Variants in CAMSAP2 observed in about 807,000 individuals in gnomAD.
CAMSAP2 encodes the protein calmodulin regulated spectrin associated protein family member 2, also known as calmodulin-regulated spectrin-associated protein 2.
CAMSAP2 carries 26 observed loss-of-function variants against 146.1 expected under a neutral mutation model. The observed-to-expected ratio is 0.18, with a 90% CI of 0.13 to 0.25. The LOEUF (loss-of-function observed/expected upper bound fraction) is 0.25, where lower values mean the gene tolerates loss of function less well. CAMSAP2 is among the 10% of genes least tolerant of loss of function. The pLI is 1.00. For missense variants in CAMSAP2, 1,381 were observed against 1,759.3 expected (o/e 0.78, Z 3.85); for synonymous variants, 499 against 596.6 (o/e 0.84, Z 2.38).
chr1:200,832,784 A>G lies in CAMSAP2; in HGVS notation c.866A>G (p.Tyr289Cys), dbSNP rs1265321186. The change falls in exon 6 of 17, where the codon TAC (tyrosine) becomes TGC (cysteine). Residue 289 changes from tyrosine (Y) to cysteine (C), a missense_variant. By Grantham distance (194) the Tyr-to-Cys change is radical (BLOSUM62 -2). Coordinates refer to ENST00000358823, the MANE Select transcript of CAMSAP2 (RefSeq NM_203459.4). The surrounding 1 kb of genome is among the most constrained non-coding windows in gnomAD (Gnocchi z 4.2). ...CTGATTCAAGAATTTTGCCAAGAAT[A>G]CTTGAACCAGTGTTGCCATTTCACT... ...LQLIQEFCQE[Y>C]LNQCCHFTLE... The G allele has an allele frequency of 1.2e-6, 2 of 1,610,832 alleles. No homozygotes were observed. The highest frequency in any genetic ancestry group is 2.2e-5 in the South Asian group (2 of 90,660).
At chr1:200,827,151 T>C (rs1475211165) in intron 4 of CAMSAP2, among the ~76,000 whole-genome samples, 1 of 152,228 alleles carries the variant, frequency 6.6e-6, no homozygotes, top group Non-Finnish European at 1.5e-5. Context: ...GGGTTTCCTT[T>C]TTCCGCCAAG....
At chr1:200,777,496 T>G (rs937888492) in intron 2 of CAMSAP2, among the ~76,000 whole-genome samples, 13 of 152,160 alleles carry the variant, frequency 8.5e-5, no homozygotes, top group African/African-American at 3.1e-4. Flanking sequence ...TGAGGAGAGA[T>G]AAATCGTATT....
intron 3 of CAMSAP2, among the ~76,000 whole-genome samples, chr1:200,813,562 A>G (rs1034825995): frequency 6.6e-6 from 1 of 152,192 alleles, no homozygotes; most frequent in Non-Finnish European, 1.5e-5. Context: ...GCCTCTTAAT[A>G]CAGTATCTGG....
chr1:200,846,467 G>C (rs1173458195), intron 8 of CAMSAP2, among the ~76,000 whole-genome samples: 1 of 152,030 alleles, frequency 6.6e-6, no homozygotes, highest in Non-Finnish European at 1.5e-5. Context: ...ATTTTTCCCA[G>C]CAGAAACTCT....
chr1:200,815,452 C>A, intron 3 of CAMSAP2, 109 bp from the exon 4 acceptor site: 1 of 485,210 alleles, frequency 2.1e-6, no homozygotes. Context: ...TGATATTTGA[C>A]ATCAGGGCTC....
At chr1:200,785,742 C>T (rs1416800099) in intron 2 of CAMSAP2, among the ~76,000 whole-genome samples, 2 of 150,560 alleles carry the variant, frequency 1.3e-5, no homozygotes, top group Non-Finnish European at 2.9e-5. Flanking sequence ...GGCTGGAGTG[C>T]AGTGGCGTGA....
chr1:200,771,356 C>G (rs1309046864), intron 2 of CAMSAP2, among the ~76,000 whole-genome samples: 2 of 151,762 alleles, frequency 1.3e-5, no homozygotes, highest in Non-Finnish European at 2.9e-5. Flanking sequence ...CTTGAAGTAA[C>G]AAGTTTTCAA....
At chr1:200,751,228 G>A (rs919073884) in intron 1 of CAMSAP2, among the ~76,000 whole-genome samples, 14 of 151,496 alleles carry the variant, frequency 9.2e-5, no homozygotes, top group Admixed American at 9.2e-4. Flanking sequence ...GTGTGTGTGT[G>A]TGCTTGCATA....
intron 2 of CAMSAP2, among the ~76,000 whole-genome samples, chr1:200,792,085 G>A (rs1027835824): frequency 2.6e-5 from 4 of 151,946 alleles, no homozygotes; most frequent in African/African-American, 9.7e-5. Flanking sequence ...TCCTAAGAAA[G>A]GTAGGTTAAA....
chr1:200,783,058 C>T lies in CAMSAP2; in HGVS notation c.399+21960C>T, dbSNP rs191162181. Among the ~76,000 whole-genome samples, 138 of 151,926 alleles carry T rather than the reference C, an allele frequency of 9.1e-4. 1 individual carries two copies. The highest frequency in any genetic ancestry group is 3.1e-3 in the African/African-American group (129 of 41,456). On this transcript the variant is annotated intron_variant, in intron 2 of 16. Transcript: ENST00000358823. Reference sequence around the variant, plus strand: ...TGGATTACAGGCCTGAGCCACTGCACCCGACCTTATTTTCATTTCTCTTGG... The same window carrying T: ...TGGATTACAGGCCTGAGCCACTGCATCCGACCTTATTTTCATTTCTCTTGG...
Position 200,832,628 on chromosome 1 carries a change from A to G in CAMSAP2, c.788-78A>G. 1 of 1,190,748 alleles carries G rather than the reference A, an allele frequency of 8.4e-7. No homozygotes were observed. The highest frequency in any genetic ancestry group is 1.2e-6 in the Non-Finnish European group (1 of 858,904). The allele number at this position is 1,190,748 out of a possible 1,614,324, so 73.8% of individuals were successfully genotyped here. A position where few individuals can be genotyped will look rare whatever the true frequency, so the allele number is the denominator to read the frequency against. On this transcript the variant is annotated intron_variant, in intron 5 of 16. Transcript: ENST00000358823. This position sits in a 1 kb window ranked among gnomAD's most constrained non-coding sequence, Gnocchi z 4.2. ...TTGTTAACCAGAATTGTGTATTTGT[A>G]CTAATTACAAGATGGATATGAAATA...
chr1:200,750,785 C>CA (rs1224990179), intron 1 of CAMSAP2, among the ~76,000 whole-genome samples: 7 of 152,040 alleles, frequency 4.6e-5, no homozygotes, highest in African/African-American at 1.7e-4. Flanking sequence ...CCACCACACC[C>CA]AGCTAATTTT....
chr1:200,823,170 A>G (rs1406364110), intron 4 of CAMSAP2, among the ~76,000 whole-genome samples: 2 of 152,190 alleles, frequency 1.3e-5, no homozygotes, highest in African/African-American at 4.8e-5. Context: ...ATTAGTTAGC[A>G]TTCTGTTATA....
intron 1 of CAMSAP2, among the ~76,000 whole-genome samples, chr1:200,753,980 T>G (rs569246408): frequency 2.6e-5 from 4 of 152,296 alleles, no homozygotes; most frequent in African/African-American, 9.6e-5. Flanking sequence ...TTCAGACAGA[T>G]GAAAGTCTCC....
At chr1:200,830,295 A>G (rs1218396279) in intron 4 of CAMSAP2, among the ~76,000 whole-genome samples, 2 of 146,304 alleles carry the variant, frequency 1.4e-5, no homozygotes, top group Non-Finnish European at 3.1e-5. Context: ...AATGTCATAT[A>G]AAGCTGTGTG....
At chr1:200,769,660 G>A (rs1299895674) in intron 2 of CAMSAP2, among the ~76,000 whole-genome samples, 1 of 152,204 alleles carries the variant, frequency 6.6e-6, no homozygotes, top group African/African-American at 2.4e-5. Context: ...ACATTTACTG[G>A]TTTATTATAA....
chr1:200,795,410 T>G (rs1022673498), intron 2 of CAMSAP2, among the ~76,000 whole-genome samples: 1 of 152,204 alleles, frequency 6.6e-6, no homozygotes, highest in African/African-American at 2.4e-5. Flanking sequence ...TTTATGATCT[T>G]TTTGATGATC....
intron 4 of CAMSAP2, among the ~76,000 whole-genome samples, chr1:200,830,192 T>C (rs1422177144): frequency 6.6e-6 from 1 of 152,254 alleles, no homozygotes; most frequent in African/African-American, 2.4e-5. Context: ...GTTGGTTTAC[T>C]TAATATATCT....
chr1:200,794,816 C>T (rs532423991), intron 2 of CAMSAP2, among the ~76,000 whole-genome samples: 183 of 152,324 alleles, frequency 1.2e-3, no homozygotes, highest in African/African-American at 4.3e-3. Context: ...GTGCATTTTT[C>T]AGTATGGCAA....
Sources: gnomAD v4.1 joint callset for allele counts (sites outside exome capture counted in the v4.1 genomes callset) on GRCh38, gnomAD v4.1.1 for gene constraint, Gnocchi (gnomAD v3.1) non-coding constraint, MANE v1.5 for transcripts, NCBI Gene and HGNC (gene_info 2026-07-23, HGNC 2026-07-21) for gene names.